CCDC142: variants seen among roughly 807,000 people sequenced by gnomAD.
CCDC142 encodes coiled-coil domain-containing protein 142.
A neutral mutation model predicts 83.8 loss-of-function variants in CCDC142; 67 were observed. That is an observed-to-expected ratio of 0.80 (90% confidence interval 0.66 to 0.98). The LOEUF (loss-of-function observed/expected upper bound fraction) is 0.98. Ranked by LOEUF, CCDC142 falls within the 50% of genes least tolerant of loss-of-function variation. CCDC142 has a pLI of 0.00. For missense variants in CCDC142, 905 were observed against 946.8 expected, an observed-to-expected ratio of 0.96 and a Z score of 0.58; for synonymous variants, 421 against 421.2, an observed-to-expected ratio of 1.00 and a Z score of 0.01.
Position 74,482,434 on chromosome 2 carries a change from C to T in CCDC142, c.404G>A (p.Ser135Asn). Residue 135 changes from serine to asparagine, a missense_variant, in exon 1 of 9, where the codon AGC (serine) becomes AAC (asparagine). Physicochemically the swap from Ser to Asn is conservative, Grantham distance 46. Coordinates refer to ENST00000393965, the MANE Select transcript of CCDC142 (RefSeq NM_001365575.2). The surrounding 1 kb of genome is among the most constrained non-coding windows in gnomAD (Gnocchi z 5.0). The stretch of plus-strand genomic sequence containing the variant: ...GTCGCGGCACCACTGGGGCAAGGGG[C>T]TAGGGCCGCCGGATGGCGAGCCAGG... ...LSPGSPSGGP[S>N]PLPQWCRDLQ... The T allele has an allele frequency of 6.4e-7, 1 of 1,555,118 alleles. No individual in the cohort carries two copies. Among genetic ancestry groups the T allele is most frequent in the Non-Finnish European group, 8.7e-7 (1 of 1,149,224 alleles).
At chr2:74,480,694 C>T (rs1558574069) in intron 5 of CCDC142, 75 bp downstream of exon 5, 1 of 976,794 alleles carries the variant, frequency 1.0e-6, no homozygotes, top group Non-Finnish European at 1.6e-6. Flanking sequence ...CTGAGATGTT[C>T]TACTCTTCCC....
At position 74,481,815 on chromosome 2, in the gene CCDC142, A is replaced by G; in HGVS notation, c.1021+2T>C. ...AAACGCCCACCCAAGCCCATCACTC[A>G]CCCTGACCCAGTGCCTGACTCAGCT... On this transcript the variant is annotated splice_donor_variant, in intron 1 of 8. Transcript: ENST00000393965. LOFTEE classifies it high-confidence loss of function. 3 of 1,604,442 alleles carry G rather than the reference A, an allele frequency of 1.9e-6. No homozygotes were observed.
In CCDC142 at chr2:74,482,059, A is replaced by C. The variant is rs1373667906; in HGVS notation, c.779T>G (p.Leu260Trp). The stretch of plus-strand genomic sequence containing the variant: ...GCACCGCCTGCGGAGCTGGTCCCTC[A>C]ACGCCGATCCTTGGAGCGCCTCGTC... ...RLDEALQGSA[L>W]RDQLRRRCQE... Residue 260 changes from leucine (L) to tryptophan (W), a missense_variant, in exon 1 of 9, where the codon TTG becomes TGG. Physicochemically the swap from Leu to Trp is moderately conservative, Grantham distance 61. Around this residue, in one of 3 missense-constraint regions of CCDC142, gnomAD observed 591 missense variants for 571.4 expected, o/e 1.03. Transcript: ENST00000393965. This position sits in a 1 kb window ranked among gnomAD's most constrained non-coding sequence, Gnocchi z 5.0. 6.2e-7 allele frequency: 1 copy of C among 1,613,604 alleles called. No individual in the cohort carries two copies. The highest frequency in any genetic ancestry group is 1.3e-5 in the African/African-American group (1 of 75,048).
intron 5 of CCDC142, 126 bp from the exon 6 acceptor site, chr2:74,475,852 G>A (rs1299024699): frequency 1.6e-5 from 10 of 636,278 alleles, no homozygotes; most frequent in Non-Finnish European, 2.5e-5. Flanking sequence ...TGTATGCCTG[G>A]CCATTTTTTG....
chr2:74,474,828 G>A (rs747674975), intron 8 of CCDC142, 26 bp from the exon 9 acceptor site: 3 of 1,596,072 alleles, frequency 1.9e-6, no homozygotes, highest in African/African-American at 1.3e-5. Context: ...TGGAAGGTAG[G>A]TGGCTGCTGG....
chr2:74,475,744 A>C lies in CCDC142; in HGVS notation c.1504-18T>G, dbSNP rs1672309223. 4 of 1,476,568 alleles carry C rather than the reference A, an allele frequency of 2.7e-6. No homozygotes were observed. The highest frequency in any genetic ancestry group is 2.3e-5 in the South Asian group (2 of 87,512). 91.5% of individuals were successfully genotyped at this position (1,476,568 alleles called of 1,614,324 possible). Reference sequence around the variant, plus strand: ...GGCAGGAGCTGTAGGGATAGGGAGAAAGTAAAAGGGGCTTGTCAAATTATG... The same window carrying C: ...GGCAGGAGCTGTAGGGATAGGGAGACAGTAAAAGGGGCTTGTCAAATTATG... On this transcript the variant is annotated intron_variant, in intron 5 of 8. Coordinates refer to ENST00000393965, the MANE Select transcript of CCDC142 (RefSeq NM_001365575.2).
intron 5 of CCDC142, 43 bp from the exon 6 acceptor site, chr2:74,475,769 G>A (rs773355813): frequency 8.2e-7 from 1 of 1,225,716 alleles, no homozygotes; most frequent in East Asian, 2.4e-5. Flanking sequence ...GTCAAATTAT[G>A]ATGATCCTCT....
rs202065967 is a variant in CCDC142 at position 74,480,997 on chromosome 2, C to T, written c.1348G>A (p.Asp450Asn). Residue 450 changes from aspartate to asparagine, a missense_variant, in exon 4 of 9, where the codon GAC becomes AAC. Asp to Asn is a conservative substitution (Grantham distance 23). This residue lies in a region of CCDC142 where 49 missense variants were observed against 86.4 expected (regional missense o/e 0.57). Transcript: ENST00000393965. ...ATCAGGAGCAGGAAGGAAGCTGGGT[C>T]CCATGCTGCCAAGTACTGCTGAGCT... ...GRAQQYLAAWDPASFLLLIQK... is the reference protein window; with the variant it reads ...GRAQQYLAAWNPASFLLLIQK... 37 of 1,614,006 alleles carry T rather than the reference C, an allele frequency of 2.3e-5. No individual in the cohort carries two copies. Among genetic ancestry groups the T allele is most frequent in the Non-Finnish European group, 2.9e-5 (34 of 1,180,038 alleles).
At chr2:74,480,590 C>CAAAAAAAAAA in intron 5 of CCDC142, among the ~76,000 whole-genome samples, 179 bp downstream of exon 5, 1 of 56,122 alleles carries the variant, frequency 1.8e-5, no homozygotes, top group East Asian at 6.0e-4. Flanking sequence ...GACCCTGTCT[C>CAAAAAAAAAA]AAAAAAAAAA....
chr2:74,478,293 C>T (rs1417790823), intron 5 of CCDC142, among the ~76,000 whole-genome samples: 1 of 151,424 alleles, frequency 6.6e-6, no homozygotes, highest in Non-Finnish European at 1.5e-5. Flanking sequence ...ATCTCCTAAC[C>T]TCAGATGATC....
At chr2:74,479,249 C>G (rs897451823) in intron 5 of CCDC142, among the ~76,000 whole-genome samples, 3 of 151,742 alleles carry the variant, frequency 2.0e-5, no homozygotes, top group Admixed American at 6.6e-5. Context: ...TTCACAGCAG[C>G]AAGACACTGT....
In CCDC142 at chr2:74,474,258, T is replaced by G. The variant is rs1297668686; in HGVS notation, c.*288A>C. 1 of 226,034 alleles carries G rather than the reference T, an allele frequency of 4.4e-6. No individual in the cohort carries two copies. Among genetic ancestry groups the G allele is most frequent in the African/African-American group, 2.3e-5 (1 of 43,072 alleles). The allele number at this position is 226,034 out of a possible 1,614,324, so 14.0% of individuals were successfully genotyped here. On this transcript the variant is annotated 3_prime_UTR_variant, in exon 9 of 9. Transcript: ENST00000393965. ...GCCACCACGCCCGGCTAATTTTTTG[T>G]ATTTTTAGTGGAAACAGGGTTTCAC...
chr2:74,480,445 G>A (rs1237648549), intron 5 of CCDC142, among the ~76,000 whole-genome samples: 1 of 152,072 alleles, frequency 6.6e-6, no homozygotes, highest in African/African-American at 2.4e-5. Context: ...TCAAAAGTTA[G>A]ACACGTGTGG....
At chr2:74,479,498 T>C (rs1387651977) in intron 5 of CCDC142, among the ~76,000 whole-genome samples, 1 of 152,312 alleles carries the variant, frequency 6.6e-6, no homozygotes, top group South Asian at 2.1e-4. Context: ...TACTGTGAAA[T>C]AGAAATCAGA....
At chr2:74,477,440 G>A (rs1459517288) in intron 5 of CCDC142, among the ~76,000 whole-genome samples, 3 of 152,102 alleles carry the variant, frequency 2.0e-5, no homozygotes, top group Non-Finnish European at 2.9e-5. Context: ...GAGGTAAAGC[G>A]CAAATTGTTG....
At chr2:74,476,769 G>C (rs1340880884) in intron 5 of CCDC142, among the ~76,000 whole-genome samples, 1 of 152,222 alleles carries the variant, frequency 6.6e-6, no homozygotes, top group African/African-American at 2.4e-5. Context: ...TCTTGAGGGA[G>C]AGGAACCCCA....
In CCDC142 at chr2:74,482,789, G is replaced by T; in HGVS notation, c.49C>A (p.Pro17Thr). 1 of 1,600,272 alleles carries T rather than the reference G, an allele frequency of 6.2e-7. No homozygotes were observed. The highest frequency in any genetic ancestry group is 1.1e-5 in the South Asian group (1 of 91,082). Residue 17 changes from proline (P) to threonine (T), a missense_variant, in exon 1 of 9, where the codon CCC (proline) becomes ACC (threonine). Transcript: ENST00000393965. This position sits in a 1 kb window ranked among gnomAD's most constrained non-coding sequence, Gnocchi z 5.0. ...SGSLPPLVIVPPLRAQPGGTG... is the reference protein window; with the variant it reads ...SGSLPPLVIVTPLRAQPGGTG... ...CCCCCGGGTTGCGCCCTCAGCGGGG[G>T]CACGATAACGAGTGGAGGCAGGCTA...
rs112199045 is a variant in CCDC142 at position 74,482,351 on chromosome 2, C to T, written c.487G>A (p.Glu163Lys). 31 of 1,596,170 alleles carry T rather than the reference C, an allele frequency of 1.9e-5. No individual in the cohort carries two copies. In the East Asian group the frequency reaches 7.0e-4, roughly 36 times the overall value. Residue 163 changes from glutamate to lysine, a missense_variant, in exon 1 of 9, where the codon GAG (glutamate) becomes AAG (lysine). Glu to Lys is a moderately conservative substitution (Grantham distance 56). Coordinates refer to ENST00000393965, the MANE Select transcript of CCDC142 (RefSeq NM_001365575.2). This position sits in a 1 kb window ranked among gnomAD's most constrained non-coding sequence, Gnocchi z 5.0. Reference sequence around the variant, plus strand: ...ATGGGGCGCGCTAGCAGCAGCGGCTCGAGAGTCTCCCCAGGGCCGATTCGC... The same window carrying T: ...ATGGGGCGCGCTAGCAGCAGCGGCTTGAGAGTCTCCCCAGGGCCGATTCGC... ...VLRIGPGETLEPLLLARPIGL... is the reference protein window; with the variant it reads ...VLRIGPGETLKPLLLARPIGL...
At chr2:74,479,019 C>T (rs1025081968) in intron 5 of CCDC142, among the ~76,000 whole-genome samples, 4 of 139,690 alleles carry the variant, frequency 2.9e-5, no homozygotes, top group Admixed American at 7.1e-5. Context: ...GAGTGAGACA[C>T]CTTCTCAAAA....
Sources: allele counts gnomAD v4.1 joint callset (sites outside exome capture counted in the v4.1 genomes callset), GRCh38; gene constraint gnomAD v4.1.1; regional missense constraint gnomAD v4.1.1; non-coding constraint Gnocchi (gnomAD v3.1); transcripts MANE v1.5; gene names NCBI Gene and HGNC (gene_info 2026-07-23, HGNC 2026-07-21).